Variants in DNAH3 observed in about 807,000 individuals in gnomAD.
DNAH3 encodes axonemal beta dynein heavy chain 3.
Under a neutral mutation model 432.5 loss-of-function variants are expected in DNAH3, and 332 were observed. The ratio of observed to expected loss-of-function variants is 0.77; its 90% CI spans 0.70 to 0.84. DNAH3 has a LOEUF of 0.84. DNAH3 is among the 40% of genes least tolerant of loss of function. DNAH3 has a pLI of 0.00. For synonymous variants in DNAH3, 1,956 were observed against 1,900.2 expected (o/e 1.03, Z -0.76); for missense variants, 4,861 against 5,114.0 (o/e 0.95, Z 1.51).
chr16:21,090,553 C>T (rs1264964110), intron 18 of DNAH3, among the ~76,000 whole-genome samples: 1 of 152,062 alleles, frequency 6.6e-6, no homozygotes, highest in Non-Finnish European at 1.5e-5. Flanking sequence ...ATATAATATA[C>T]AGTATTAACA....
In DNAH3 at chr16:20,936,602, C is replaced by T. The variant is rs900299734; in HGVS notation, c.11859+47G>A. On this transcript the variant is annotated intron_variant, in intron 60 of 61. Coordinates refer to ENST00000261383, the Ensembl canonical transcript of DNAH3. ...CTGCCATTTCAGAATGTCCTCTCCA[C>T]CTAAGCAAGCATGCCAGGTTCCCGG... is the stretch of plus-strand genomic sequence containing the variant. 4 of 1,528,392 alleles carry T rather than the reference C, an allele frequency of 2.6e-6. No individual in the cohort carries two copies. The African/African-American group carries it at 4.1e-5, about 16-fold the overall frequency. 94.7% of individuals were successfully genotyped at this position (1,528,392 alleles called of 1,614,324 possible).
intron 19 of DNAH3, among the ~76,000 whole-genome samples, chr16:21,085,070 C>G (rs1257931702): frequency 1.3e-5 from 2 of 151,760 alleles, no homozygotes; most frequent in Admixed American, 6.6e-5. Context: ...GATCCCTCTG[C>G]TGGGGCGTTT....
intron 35 of DNAH3, among the ~76,000 whole-genome samples, chr16:21,035,303 G>A (rs938563218): frequency 4.6e-5 from 7 of 152,182 alleles, no homozygotes; most frequent in African/African-American, 1.7e-4. Context: ...CTCCAGCCTG[G>A]GTAATGGAGG....
intron 38 of DNAH3, among the ~76,000 whole-genome samples, chr16:21,026,318 G>T (rs945195257): frequency 1.3e-5 from 2 of 152,094 alleles, no homozygotes; most frequent in African/African-American, 4.8e-5. Flanking sequence ...ATAATATAAT[G>T]CTAAGCAAAT....
At chr16:20,982,426 C>T (rs1306038046) in intron 49 of DNAH3, among the ~76,000 whole-genome samples, 3 of 152,048 alleles carry the variant, frequency 2.0e-5, no homozygotes, top group African/African-American at 7.2e-5. Flanking sequence ...GTGGTCTCAG[C>T]AGCAATCTTC....
At chr16:21,052,006 T>A (rs563017315) in intron 28 of DNAH3, 138 bp from the exon 29 acceptor site, 1 of 714,738 alleles carries the variant, frequency 1.4e-6, no homozygotes, top group African/African-American at 1.8e-5. Flanking sequence ...TTTATTTATT[T>A]TTTGCGATGG....
At chr16:20,985,183 G>C (rs2086129620) in exon 48 of DNAH3, 1 of 1,614,216 alleles carries the variant, frequency 6.2e-7, no homozygotes, top group East Asian at 2.2e-5. Flanking sequence ...CTTCTCGTCA[G>C]CAGGGAAGAT....
chr16:20,953,417 C>A (rs773223201), intron 55 of DNAH3, among the ~76,000 whole-genome samples: 2 of 152,112 alleles, frequency 1.3e-5, no homozygotes, highest in Non-Finnish European at 2.9e-5. Context: ...CCTCGGCCTC[C>A]CAAAGTGCTG....
chr16:21,105,397 AT>A (rs930504110), intron 15 of DNAH3, among the ~76,000 whole-genome samples: 9 of 152,130 alleles, frequency 5.9e-5, no homozygotes, highest in Non-Finnish European at 1.3e-4. Flanking sequence ...AGCCCTGACT[AT>A]TTTTTTCCTT....
chr16:21,009,941 GAAA>G (rs2087507298), intron 41 of DNAH3, among the ~76,000 whole-genome samples: 1 of 144,450 alleles, frequency 6.9e-6, no homozygotes, highest in African/African-American at 2.6e-5. Context: ...GGGAGGGGAG[GAAA>G]AGAAGGAAGG....
intron 34 of DNAH3, 25 bp downstream of exon 34, chr16:21,037,736 G>T (rs2089242367): frequency 1.3e-5 from 21 of 1,602,528 alleles, no homozygotes; most frequent in Non-Finnish European, 1.8e-5. Context: ...TTGGTCCTCG[G>T]CCAAGGTCCT....
At chr16:21,062,617 C>T (rs760897664) in exon 25 of DNAH3, 32 of 1,613,994 alleles carry the variant, frequency 2.0e-5, no homozygotes, top group Non-Finnish European at 2.5e-5. Flanking sequence ...AGTGCGGCTG[C>T]ACTCGGAGAG....
intron 37 of DNAH3, among the ~76,000 whole-genome samples, chr16:21,029,065 T>C (rs889913640): frequency 6.6e-6 from 1 of 152,200 alleles, no homozygotes; most frequent in Non-Finnish European, 1.5e-5. Flanking sequence ...TGTAGTTTCA[T>C]TTACATCCAG....
chr16:20,949,100 C>G (rs906744477), intron 56 of DNAH3, among the ~76,000 whole-genome samples: 1 of 151,846 alleles, frequency 6.6e-6, no homozygotes, highest in African/African-American at 2.4e-5. Flanking sequence ...TTTGTGCGAC[C>G]CCATTCCTCC....
intron 21 of DNAH3, among the ~76,000 whole-genome samples, chr16:21,071,030 A>G (rs988707401): frequency 2.0e-5 from 3 of 151,498 alleles, no homozygotes; most frequent in Non-Finnish European, 4.4e-5. Flanking sequence ...GACTACAGGC[A>G]TATGCCACCA....
chr16:21,031,033 G>A lies in DNAH3; in HGVS notation c.5439+12C>T. The A allele has an allele frequency of 6.2e-7, 1 of 1,613,856 alleles. No individual in the cohort carries two copies. The highest frequency in any genetic ancestry group is 1.1e-5 in the South Asian group (1 of 91,008). On this transcript the variant is annotated intron_variant, in intron 37 of 61. Transcript: ENST00000261383. ...TCACTCATGGAAAAGTCATATCAGG[G>A]TCAATACTTACCTTTTTATTGTCAT... is the stretch of plus-strand genomic sequence containing the variant.
chr16:21,007,399 G>A (rs2087361480), intron 41 of DNAH3, among the ~76,000 whole-genome samples: 1 of 151,882 alleles, frequency 6.6e-6, no homozygotes, highest in Non-Finnish European at 1.5e-5. Context: ...TTTTTGTAGA[G>A]ATGGGGTTTC....
intron 35 of DNAH3, among the ~76,000 whole-genome samples, chr16:21,034,860 T>C (rs1384759151): frequency 1.3e-5 from 2 of 152,206 alleles, no homozygotes; most frequent in Non-Finnish European, 2.9e-5. Context: ...CTGGGTGCTG[T>C]AGACAGAGCA....
At chr16:21,112,281 G>T (rs1408344044) in intron 12 of DNAH3, among the ~76,000 whole-genome samples, 183 bp from the exon 13 acceptor site, 2 of 152,172 alleles carry the variant, frequency 1.3e-5, no homozygotes, top group Non-Finnish European at 2.9e-5. Context: ...CTGATTTTCA[G>T]TTTCACCACT....
Sources: allele counts gnomAD v4.1 joint callset (sites outside exome capture counted in the v4.1 genomes callset), GRCh38; gene constraint gnomAD v4.1.1; transcripts MANE v1.5; gene names NCBI Gene and HGNC (gene_info 2026-07-23, HGNC 2026-07-21).